KCND2: variants seen among roughly 807,000 people sequenced by gnomAD.
The protein encoded by KCND2 is A-type voltage-gated potassium channel KCND2.
A neutral mutation model predicts 54.4 loss-of-function variants in KCND2; 16 were observed. The observed-to-expected ratio is 0.29, with a 90% CI of 0.20 to 0.45. The LOEUF (loss-of-function observed/expected upper bound fraction) is 0.45, where lower values mean the gene tolerates loss of function less well. KCND2 is among the 20% of genes least tolerant of loss of function. KCND2 has a pLI of 1.00. For synonymous variants in KCND2, 317 were observed against 310.7 expected (o/e 1.02, Z -0.21); for missense variants, 486 against 824.2 (o/e 0.59, Z 5.02).
At chr7:120,640,899 A>G (rs1293431743) in intron 1 of KCND2, among the ~76,000 whole-genome samples, 1 of 151,792 alleles carries the variant, frequency 6.6e-6, no homozygotes, top group Non-Finnish European at 1.5e-5. Flanking sequence ...CTTGGGTGTA[A>G]GTCTTTCCTT....
At chr7:120,289,937 T>TCA (rs1172186935) in intron 1 of KCND2, among the ~76,000 whole-genome samples, 52 of 152,204 alleles carry the variant, frequency 3.4e-4, no homozygotes, top group African/African-American at 1.2e-3. Context: ...GTTTCGAAGC[T>TCA]CACATTGTGT....
At chr7:120,566,367 G>C (rs1352958312) in intron 1 of KCND2, among the ~76,000 whole-genome samples, 1 of 151,960 alleles carries the variant, frequency 6.6e-6, no homozygotes. Flanking sequence ...TTAAGATGAG[G>C]TCTGGCTCTG....
In KCND2 at chr7:120,392,301, C is replaced by T. The variant is rs190372665; in HGVS notation, c.1115+116554C>T. 1.4e-3 allele frequency among the ~76,000 whole-genome samples: 214 copies of T among 151,814 alleles called. No individual in the cohort carries two copies. In the Middle Eastern group the frequency reaches 0.017, roughly 12 times the overall value. ...ATCTTTTTTGGTACCAGTATCATGCCGTTTTGGTTACTGTAACCTTGTAGT... is the reference window on the plus strand; with the variant it reads ...ATCTTTTTTGGTACCAGTATCATGCTGTTTTGGTTACTGTAACCTTGTAGT... On this transcript the variant is annotated intron_variant, in intron 1 of 5. Transcript: ENST00000331113.
At chr7:120,407,837 C>CAA (rs1801385104) in intron 1 of KCND2, among the ~76,000 whole-genome samples, 1 of 151,730 alleles carries the variant, frequency 6.6e-6, no homozygotes, top group South Asian at 2.1e-4. Context: ...CTACATTTCT[C>CAA]AAACATACTA....
At chr7:120,368,153 A>G (rs975150531) in intron 1 of KCND2, among the ~76,000 whole-genome samples, 1 of 152,104 alleles carries the variant, frequency 6.6e-6, no homozygotes, top group Non-Finnish European at 1.5e-5. Context: ...GCTTCAATGA[A>G]AGAAATTTCT....
intron 1 of KCND2, among the ~76,000 whole-genome samples, chr7:120,356,744 A>G (rs1800511923): frequency 6.6e-6 from 1 of 152,124 alleles, no homozygotes; most frequent in South Asian, 2.1e-4. Context: ...TCCAGGATGA[A>G]CTAAGGATCT....
intron 1 of KCND2, among the ~76,000 whole-genome samples, chr7:120,340,072 T>G (rs1800218788): frequency 6.6e-6 from 1 of 152,134 alleles, no homozygotes; most frequent in Non-Finnish European, 1.5e-5. Context: ...TCACTTGACT[T>G]TTACACTGAG....
chr7:120,549,719 AAATGT>A (rs1205387721), intron 1 of KCND2, among the ~76,000 whole-genome samples: 11 of 152,154 alleles, frequency 7.2e-5, no homozygotes, highest in Non-Finnish European at 1.6e-4. Flanking sequence ...GCTGAGTTTT[AAATGT>A]AATGTGTTAT....
chr7:120,624,930 A>G (rs1201949176), intron 1 of KCND2, among the ~76,000 whole-genome samples: 2 of 152,218 alleles, frequency 1.3e-5, no homozygotes, highest in Non-Finnish European at 2.9e-5. Flanking sequence ...AGCAGTTTTG[A>G]TTATATTGTA....
At chr7:120,578,758 A>G (rs533203629) in intron 1 of KCND2, among the ~76,000 whole-genome samples, 1 of 152,122 alleles carries the variant, frequency 6.6e-6, no homozygotes, top group African/African-American at 2.4e-5. Context: ...CCAGCTACTC[A>G]GGAGGCTGAG....
At chr7:120,362,077 C>A (rs1800599490) in intron 1 of KCND2, among the ~76,000 whole-genome samples, 1 of 152,016 alleles carries the variant, frequency 6.6e-6, no homozygotes, top group Non-Finnish European at 1.5e-5. Context: ...TTCACCTTAC[C>A]TACCTGGGCG....
At chr7:120,535,672 A>G (rs1324788399) in intron 1 of KCND2, among the ~76,000 whole-genome samples, 1 of 152,184 alleles carries the variant, frequency 6.6e-6, no homozygotes, top group African/African-American at 2.4e-5. Flanking sequence ...TTTTAACAAG[A>G]CTATTTGAAT....
intron 1 of KCND2, among the ~76,000 whole-genome samples, chr7:120,711,654 A>T (rs2116068047): frequency 6.6e-6 from 1 of 152,284 alleles, no homozygotes; most frequent in East Asian, 1.9e-4. Context: ...GTATTTCTTT[A>T]TGAACAAGTA....
chr7:120,477,246 G>C (rs1268933947), intron 1 of KCND2, among the ~76,000 whole-genome samples: 1 of 152,126 alleles, frequency 6.6e-6, no homozygotes, highest in Non-Finnish European at 1.5e-5. Flanking sequence ...AAGAGACAGA[G>C]AAGAACACCA....
At chr7:120,563,707 A>G (rs1277188065) in intron 1 of KCND2, among the ~76,000 whole-genome samples, 1 of 152,162 alleles carries the variant, frequency 6.6e-6, no homozygotes, top group East Asian at 1.9e-4. Context: ...CAAATACTCC[A>G]GGCAGAATCC....
intron 3 of KCND2, 55 bp downstream of exon 3, chr7:120,741,684 T>C: frequency 8.4e-7 from 1 of 1,187,616 alleles, no homozygotes; most frequent in Non-Finnish European, 1.2e-6. Flanking sequence ...TTAATATTGA[T>C]TTAGTTCTAC....
chr7:120,516,357 A>G (rs920619394), intron 1 of KCND2, among the ~76,000 whole-genome samples: 1 of 152,116 alleles, frequency 6.6e-6, no homozygotes, highest in Non-Finnish European at 1.5e-5. Flanking sequence ...TGTCCATATA[A>G]TTACATGTAT....
intron 3 of KCND2, 101 bp downstream of exon 3, chr7:120,741,730 G>A: frequency 1.2e-6 from 1 of 831,606 alleles, no homozygotes; most frequent in Non-Finnish European, 2.0e-6. Context: ...TTATGACAAT[G>A]GCTATCCAAA....
chr7:120,344,065 A>G (rs982137301), intron 1 of KCND2, among the ~76,000 whole-genome samples: 2 of 152,186 alleles, frequency 1.3e-5, no homozygotes, highest in Admixed American at 6.5e-5. Flanking sequence ...CTCCTAAATT[A>G]TGAGGTTCAA....
Sources: gnomAD v4.1 joint callset for allele counts (sites outside exome capture counted in the v4.1 genomes callset) on GRCh38, gnomAD v4.1.1 for gene constraint, MANE v1.5 for transcripts, NCBI Gene and HGNC (gene_info 2026-07-23, HGNC 2026-07-21) for gene names.